The following PODXL2 variants were observed in gnomAD, a reference collection of about 807,000 sequenced individuals.
The protein encoded by PODXL2 is podocalyxin-like protein 2.
A neutral mutation model predicts 53.4 loss-of-function variants in PODXL2; 17 were observed. The ratio of observed to expected loss-of-function variants is 0.32; its 90% CI spans 0.22 to 0.48. PODXL2 has a LOEUF of 0.48. PODXL2 is among the 20% of genes least tolerant of loss of function. PODXL2 has a pLI of 0.99. For synonymous variants in PODXL2, 311 were observed against 306.7 expected (o/e 1.01, Z -0.15); for missense variants, 673 against 760.0 (o/e 0.89, Z 1.35).
intron 6 of PODXL2, among the ~76,000 whole-genome samples, chr3:127,671,154 A>G (rs1007030344): frequency 2.0e-5 from 3 of 152,202 alleles, no homozygotes; most frequent in Admixed American, 1.3e-4. Context: ...GCCTAGGGCC[A>G]CAGTGAGCTC....
chr3:127,639,896 G>A (rs2074603863), intron 2 of PODXL2, among the ~76,000 whole-genome samples: 1 of 152,230 alleles, frequency 6.6e-6, no homozygotes, highest in Non-Finnish European at 1.5e-5. Flanking sequence ...TCATGATTCA[G>A]ACCTATGGCT....
chr3:127,650,766 C>G (rs1020041334), intron 2 of PODXL2, among the ~76,000 whole-genome samples: 1 of 152,062 alleles, frequency 6.6e-6, no homozygotes, highest in Non-Finnish European at 1.5e-5. Context: ...ACACCATTCT[C>G]CTGCCTCAGC....
intron 4 of PODXL2, among the ~76,000 whole-genome samples, chr3:127,663,957 CAATT>C (rs1250118994): frequency 6.6e-6 from 1 of 152,150 alleles, no homozygotes; most frequent in Non-Finnish European, 1.5e-5. Flanking sequence ...GACCTCCACT[CAATT>C]AGTCATCATT....
intron 2 of PODXL2, among the ~76,000 whole-genome samples, chr3:127,654,336 G>T (rs1395374907): frequency 6.6e-6 from 1 of 152,140 alleles, no homozygotes; most frequent in Non-Finnish European, 1.5e-5. Context: ...TCTTCTTAGT[G>T]AATCGTACCG....
chr3:127,639,537 C>A lies in PODXL2; in HGVS notation c.349+14C>A. ...GACCCACTGCAGGTAGCTCTTCTTA[C>A]CTACAGAGCATGTGTTGAGTGCCAG... On this transcript the variant is annotated intron_variant, in intron 2 of 7. Transcript: ENST00000342480. 2 of 1,599,682 alleles carry A rather than the reference C, an allele frequency of 1.3e-6. No homozygotes were observed. The highest frequency in any genetic ancestry group is 8.5e-7 in the Non-Finnish European group (1 of 1,172,282).
intron 4 of PODXL2, chr3:127,665,955 T>A: frequency 2.1e-6 from 1 of 469,692 alleles, no homozygotes; most frequent in Non-Finnish European, 4.3e-6. Context: ...GCCCCAGGTG[T>A]GCTCATGGCT....
Position 127,668,680 on chromosome 3 carries a change from G to C in PODXL2, c.1363+83G>C, listed in dbSNP as rs556111054. 2.3e-6 allele frequency: 3 copies of C among 1,285,930 alleles called. No individual in the cohort carries two copies. In the African/African-American group the frequency reaches 4.6e-5, roughly 20 times the overall value. The allele number at this position is 1,285,930 out of a possible 1,614,324, so 79.7% of individuals were successfully genotyped here. Reference sequence around the variant, plus strand: ...TGAGGGTCACGGGAAAAAAGTGCACGCATAAGGGCTTTGAAACTTGGAACT... The same window carrying C: ...TGAGGGTCACGGGAAAAAAGTGCACCCATAAGGGCTTTGAAACTTGGAACT... On this transcript the variant is annotated intron_variant, in intron 5 of 7. Coordinates refer to ENST00000342480, the MANE Select transcript of PODXL2 (RefSeq NM_015720.4).
intron 3 of PODXL2, 63 bp from the exon 4 acceptor site, chr3:127,662,174 C>T (rs1451383647): frequency 6.2e-6 from 9 of 1,443,678 alleles, no homozygotes; most frequent in African/African-American, 1.4e-5. Context: ...GACCGGGGCT[C>T]TCTCCCCTGT....
At chr3:127,653,473 C>T (rs572790045) in intron 2 of PODXL2, among the ~76,000 whole-genome samples, 3 of 152,220 alleles carry the variant, frequency 2.0e-5, no homozygotes, top group East Asian at 1.9e-4. Context: ...GGTGAAACCC[C>T]GTCTCTACTA....
intron 6 of PODXL2, 35 bp downstream of exon 6, chr3:127,669,237 A>G (rs1336054902): frequency 1.4e-6 from 2 of 1,403,050 alleles, no homozygotes; most frequent in Non-Finnish European, 1.0e-6. Flanking sequence ...GTTAGCTTCT[A>G]ATATGCTCCC....
intron 4 of PODXL2, among the ~76,000 whole-genome samples, chr3:127,663,181 C>G (rs2074777875): frequency 6.6e-6 from 1 of 152,226 alleles, no homozygotes; most frequent in Non-Finnish European, 1.5e-5. Flanking sequence ...CCAGCCGTTT[C>G]TTAAGCAAAC....
chr3:127,672,631 T>C lies in PODXL2; in HGVS notation c.*151T>C. Reference sequence around the variant, plus strand: ...CGGGCTCCTTCCCGCTTCCCCCGACTTCACACGGCGGCTTCGGACCAACTC... The same window carrying C: ...CGGGCTCCTTCCCGCTTCCCCCGACCTCACACGGCGGCTTCGGACCAACTC... On this transcript the variant is annotated 3_prime_UTR_variant, in exon 8 of 8. Transcript: ENST00000342480. 1.9e-6 allele frequency: 1 copy of C among 519,190 alleles called. No individual in the cohort carries two copies. 32.2% of individuals were successfully genotyped at this position (519,190 alleles called of 1,614,324 possible).
chr3:127,648,842 G>A (rs1452618021), intron 2 of PODXL2, among the ~76,000 whole-genome samples: 1 of 148,750 alleles, frequency 6.7e-6, no homozygotes, highest in Non-Finnish European at 1.5e-5. Flanking sequence ...GACCAGGCTG[G>A]AGTGCACTGG....
rs1415938522 is a variant in PODXL2, at chr3:127,629,235, CG to C, written c.19del (p.Ala7ProfsTer42). ...CGGCTACACCATGGGCCGGCTGCTG[CG>C]GGCCGCCCGGCTGCCGCCGCTGCTT... MGRLL[R>X]AARLPPLLSP... On this transcript the variant is annotated frameshift_variant, in exon 1 of 8. Transcript: ENST00000342480. LOFTEE classifies it high-confidence loss of function. This position sits in a 1 kb window ranked among gnomAD's most constrained non-coding sequence, Gnocchi z 6.4. 1.0e-6 allele frequency: 1 copy of C among 999,412 alleles called. No homozygotes were observed. Among genetic ancestry groups the C allele is most frequent in the Non-Finnish European group, 1.2e-6 (1 of 839,700 alleles). The allele number at this position is 999,412 out of a possible 1,614,324, so 61.9% of individuals were successfully genotyped here.
intron 2 of PODXL2, among the ~76,000 whole-genome samples, chr3:127,651,036 G>A (rs961604467): frequency 6.6e-6 from 1 of 152,156 alleles, no homozygotes; most frequent in East Asian, 1.9e-4. Context: ...AGGCCGAGAC[G>A]GGTGGATCAC....
chr3:127,656,734 CAAAAAAAAAAAAAAA>C lies in PODXL2; in HGVS notation c.350-3632_350-3618del, dbSNP rs71150487. Among the ~76,000 whole-genome samples, 3 of 28,082 alleles carry C rather than the reference CAAAAAAAAAAAAAAA, an allele frequency of 1.1e-4. No homozygotes were observed. The Admixed American group carries it at 1.3e-3, about 12-fold the overall frequency. 18.4% of individuals were successfully genotyped at this position (28,082 alleles called of 152,430 possible). A position where few individuals can be genotyped will look rare whatever the true frequency, so the allele number is the denominator to read the frequency against. On this transcript the variant is annotated intron_variant, in intron 2 of 7. Transcript: ENST00000342480. ...TGGGTGACAGAGCAAGACTCCATCT[CAAAAAAAAAAAAAAA>C]AAAAAAAAAAATAGCTAGGTGTGGT...
intron 7 of PODXL2, 77 bp downstream of exon 7, chr3:127,671,690 G>A (rs2074842011): frequency 4.4e-6 from 6 of 1,375,538 alleles, no homozygotes; most frequent in Non-Finnish European, 6.1e-6. Flanking sequence ...ATCTGCAAGG[G>A]GAGGCAGTGA....
Position 127,672,790 on chromosome 3 carries a change from G to C in PODXL2, c.*310G>C, listed in dbSNP as rs1223254421. The C allele has an allele frequency of 3.0e-6, 1 of 331,288 alleles. No individual in the cohort carries two copies. The highest frequency in any genetic ancestry group is 5.3e-6 in the Non-Finnish European group (1 of 189,926). The allele number at this position is 331,288 out of a possible 1,614,324, so 20.5% of individuals were successfully genotyped here. ...TCAATTAAACCCGCCCGGAGACCAC[G>C]CCGGGCCCAGCGCGTCTGCCTTCTT... On this transcript the variant is annotated 3_prime_UTR_variant, in exon 8 of 8. Transcript: ENST00000342480.
chr3:127,672,153 C>A, intron 7 of PODXL2, 115 bp from the exon 8 acceptor site: 1 of 705,016 alleles, frequency 1.4e-6, no homozygotes, highest in Non-Finnish European at 2.4e-6. Flanking sequence ...AAGGATCTGG[C>A]ACCTGTGGAG....
Sources: allele counts gnomAD v4.1 joint callset (sites outside exome capture counted in the v4.1 genomes callset), GRCh38; gene constraint gnomAD v4.1.1; non-coding constraint Gnocchi (gnomAD v3.1); transcripts MANE v1.5; gene names NCBI Gene and HGNC (gene_info 2026-07-23, HGNC 2026-07-21).